PDLIM5: variants seen among roughly 807,000 people sequenced by gnomAD.
PDLIM5 encodes the protein PDZ and LIM domain protein 5.
A neutral mutation model predicts 64.2 loss-of-function variants in PDLIM5; 34 were observed. The observed-to-expected ratio is 0.53, with a 90% CI of 0.40 to 0.71. PDLIM5 has a LOEUF of 0.71. Ranked by LOEUF, PDLIM5 falls within the 30% of genes least tolerant of loss-of-function variation. The pLI is 0.00. For synonymous variants in PDLIM5, 253 were observed against 269.1 expected, an observed-to-expected ratio of 0.94 and a Z score of 0.59; for missense variants, 683 against 733.6, an observed-to-expected ratio of 0.93 and a Z score of 0.80.
At chr4:94,647,623 A>C (rs932620152) in intron 9 of PDLIM5, among the ~76,000 whole-genome samples, 1 of 152,174 alleles carries the variant, frequency 6.6e-6, no homozygotes, top group African/African-American at 2.4e-5. Flanking sequence ...GAACTAGAAA[A>C]CTTGAACAAC....
chr4:94,484,231 A>G (rs1253687662), intron 2 of PDLIM5, among the ~76,000 whole-genome samples: 1 of 152,206 alleles, frequency 6.6e-6, no homozygotes, highest in Non-Finnish European at 1.5e-5. Flanking sequence ...CTGGATTCCC[A>G]TTGAAATAAT....
At position 94,575,850 on chromosome 4, in the gene PDLIM5, G is replaced by A. The variant is rs1292947667; in HGVS notation, c.526G>A (p.Ala176Thr). 1 of 1,613,992 alleles carries A rather than the reference G, an allele frequency of 6.2e-7. No homozygotes were observed. Among genetic ancestry groups the A allele is most frequent in the Non-Finnish European group, 8.5e-7 (1 of 1,180,018 alleles). ...TGCCGTCACTCCTCCCCTGTTCGCTGCATCTGGACTGCATGCTAATGCCAA... is the reference window on the plus strand; with the variant it reads ...TGCCGTCACTCCTCCCCTGTTCGCTACATCTGGACTGCATGCTAATGCCAA... The part of the protein sequence containing the change: ...VAAVTPPLFA[A>T]SGLHANANLS... Residue 176 changes from alanine to threonine, a missense_variant, in exon 5 of 13, where the codon GCA (alanine) becomes ACA (threonine). Ala to Thr is a moderately conservative substitution (Grantham distance 58, BLOSUM62 0). Transcript: ENST00000317968.
At chr4:94,639,341 A>G (rs1259804192) in intron 8 of PDLIM5, among the ~76,000 whole-genome samples, 1 of 152,146 alleles carries the variant, frequency 6.6e-6, no homozygotes, top group Non-Finnish European at 1.5e-5. Flanking sequence ...AGATCCTTAA[A>G]TGCTGTTGGG....
intron 9 of PDLIM5, among the ~76,000 whole-genome samples, chr4:94,641,134 A>G (rs1351762116): frequency 6.6e-6 from 1 of 152,226 alleles, no homozygotes; most frequent in Non-Finnish European, 1.5e-5. Flanking sequence ...TGCTGATTGC[A>G]GGCATCCCAC....
chr4:94,561,491 T>C (rs576090061), intron 3 of PDLIM5, among the ~76,000 whole-genome samples: 4 of 152,366 alleles, frequency 2.6e-5, no homozygotes, highest in African/African-American at 9.6e-5. Flanking sequence ...TAGAGTTATA[T>C]GCGTGCTTTT....
intron 3 of PDLIM5, among the ~76,000 whole-genome samples, chr4:94,540,326 G>A (rs1380209690): frequency 6.6e-6 from 1 of 152,078 alleles, no homozygotes; most frequent in East Asian, 1.9e-4. Flanking sequence ...CACTGTGTTA[G>A]CCAGGATGGT....
At chr4:94,658,441 G>T (rs12507763) in intron 11 of PDLIM5, among the ~76,000 whole-genome samples, 86,267 of 151,962 alleles carry the variant, frequency 0.57, 24,675 homozygotes, top group African/African-American at 0.59. Flanking sequence ...TTTATTAATA[G>T]TGCCCTTACT....
intron 2 of PDLIM5, 71 bp downstream of exon 2, chr4:94,455,455 T>A: frequency 1.0e-6 from 1 of 964,222 alleles, no homozygotes; most frequent in South Asian, 1.4e-5. Flanking sequence ...GTTGTTTAAT[T>A]CTCTGTTGAC....
At chr4:94,478,228 C>G (rs1471138493) in intron 2 of PDLIM5, among the ~76,000 whole-genome samples, 1 of 148,032 alleles carries the variant, frequency 6.8e-6, no homozygotes, top group East Asian at 2.0e-4. Flanking sequence ...TGCACTCCAG[C>G]CTGGGCAACA....
chr4:94,498,679 A>T (rs560860227), intron 2 of PDLIM5, among the ~76,000 whole-genome samples: 1 of 152,222 alleles, frequency 6.6e-6, no homozygotes, highest in African/African-American at 2.4e-5. Flanking sequence ...GAATGAATGA[A>T]TGCATGTGTG....
At chr4:94,610,998 G>A in intron 7 of PDLIM5, 1 of 1,131,332 alleles carries the variant, frequency 8.8e-7, no homozygotes, top group East Asian at 2.6e-5. Context: ...TCAAATCACA[G>A]ACCTTAAGAA....
At chr4:94,479,658 A>G (rs777005280) in intron 2 of PDLIM5, among the ~76,000 whole-genome samples, 10 of 152,120 alleles carry the variant, frequency 6.6e-5, no homozygotes, top group Non-Finnish European at 1.3e-4. Flanking sequence ...GGATTGTTTT[A>G]AGGCAAACCA....
intron 3 of PDLIM5, among the ~76,000 whole-genome samples, chr4:94,559,820 T>C (rs926820876): frequency 1.3e-5 from 2 of 152,234 alleles, no homozygotes; most frequent in Non-Finnish European, 2.9e-5. Context: ...TAACCATTGA[T>C]GCAAATGAAA....
At chr4:94,471,471 ATATAT>A (rs1261518909) in intron 2 of PDLIM5, among the ~76,000 whole-genome samples, 1 of 151,964 alleles carries the variant, frequency 6.6e-6, no homozygotes, top group Non-Finnish European at 1.5e-5. Flanking sequence ...ATCAAAACTA[ATATAT>A]TAGTACTGTA....
intron 7 of PDLIM5, among the ~76,000 whole-genome samples, chr4:94,598,852 G>C (rs748866245): frequency 3.5e-4 from 53 of 152,074 alleles, no homozygotes; most frequent in Non-Finnish European, 6.6e-4. Flanking sequence ...TGAAATGTGA[G>C]TGCCCTGAAA....
chr4:94,659,318 AT>A (rs1457666442), intron 11 of PDLIM5, among the ~76,000 whole-genome samples: 1 of 152,078 alleles, frequency 6.6e-6, no homozygotes, highest in Admixed American at 6.6e-5. Context: ...AACGTATATC[AT>A]ATTCATTTAT....
intron 3 of PDLIM5, among the ~76,000 whole-genome samples, chr4:94,573,105 G>T (rs1234270675): frequency 6.6e-6 from 1 of 152,194 alleles, no homozygotes; most frequent in East Asian, 1.9e-4. Context: ...TTCCTCAGCT[G>T]AATTTGTAGA....
At chr4:94,461,607 A>AT (rs1212610849) in intron 2 of PDLIM5, among the ~76,000 whole-genome samples, 1 of 151,758 alleles carries the variant, frequency 6.6e-6, no homozygotes, top group Non-Finnish European at 1.5e-5. Context: ...CACCTTTCTT[A>AT]TTTTTTTGTT....
At chr4:94,484,222 T>C (rs1726118816) in intron 2 of PDLIM5, among the ~76,000 whole-genome samples, 1 of 152,174 alleles carries the variant, frequency 6.6e-6, no homozygotes, top group African/African-American at 2.4e-5. Context: ...ACCCGGCTTC[T>C]GGATTCCCAT....
Sources: gnomAD v4.1 joint callset for allele counts (sites outside exome capture counted in the v4.1 genomes callset) on GRCh38, gnomAD v4.1.1 for gene constraint, MANE v1.5 for transcripts, NCBI Gene and HGNC (gene_info 2026-07-23, HGNC 2026-07-21) for gene names.